The following CREB5 variants were observed in gnomAD, a reference collection of about 807,000 sequenced individuals.
The protein encoded by CREB5 is cAMP responsive element binding protein 5.
CREB5 carries 19 observed loss-of-function variants against 57.1 expected under a neutral mutation model. The observed-to-expected ratio is 0.33, with a 90% confidence interval of 0.23 to 0.49. CREB5 has a LOEUF of 0.49. Among genes scored for constraint, CREB5 ranks in the 20% least tolerant of loss-of-function variants. The pLI is 0.99. For synonymous variants in CREB5, 238 were observed against 238.3 expected (o/e 1.00, Z 0.01); for missense variants, 579 against 671.6 (o/e 0.86, Z 1.52).
intron 4 of CREB5, among the ~76,000 whole-genome samples, chr7:28,560,996 C>G (rs216741): frequency 0.76 from 31,715 of 41,794 alleles, 12,113 homozygotes; most frequent in East Asian, 0.85. Context: ...GTGTGTGTGC[C>G]TGCGTGTGCG....
chr7:28,522,849 A>G (rs1793269389), intron 4 of CREB5, among the ~76,000 whole-genome samples: 1 of 152,156 alleles, frequency 6.6e-6, no homozygotes. Flanking sequence ...TTCGTAATGC[A>G]CTTTTCAATG....
chr7:28,448,074 G>T, intron 1 of CREB5, among the ~76,000 whole-genome samples: 1 of 152,170 alleles, frequency 6.6e-6, no homozygotes, highest in Admixed American at 6.5e-5. Context: ...CCCTTAATCT[G>T]GTGGGCACAA....
intron 5 of CREB5, among the ~76,000 whole-genome samples, chr7:28,693,535 GA>G (rs200005137): frequency 7.3e-5 from 11 of 150,700 alleles, no homozygotes; most frequent in Middle Eastern, 6.9e-3. Flanking sequence ...AAAAAAAAAA[GA>G]AAAAAAATGT....
In CREB5 at chr7:28,824,798, G is replaced by T. The variant is rs1038820012; in HGVS notation, c.*5519G>T. On this transcript the variant is annotated 3_prime_UTR_variant, in exon 11 of 11. Coordinates refer to ENST00000357727, the MANE Select transcript of CREB5 (RefSeq NM_182898.4). ...AAAGCTATTTAACCACAGCTGAAGT[G>T]GGGGGTAAGGCCAAATTGCCAACAC... 6.6e-6 allele frequency: 1 copy of T among 152,510 alleles called. No individual in the cohort carries two copies. The highest frequency in any genetic ancestry group is 6.6e-5 in the Admixed American group (1 of 15,262). The allele number at this position is 152,510 out of a possible 1,614,324, so 9.4% of individuals were successfully genotyped here.
intron 1 of CREB5, among the ~76,000 whole-genome samples, chr7:28,301,360 G>A (rs1019329896): frequency 1.3e-5 from 2 of 152,204 alleles, no homozygotes; most frequent in African/African-American, 4.8e-5. Context: ...CTAAACTGAG[G>A]TAGACGAGTG....
Position 28,560,865 on chromosome 7 carries a change from C to CGT in CREB5, c.292-9500_292-9499insGT, listed in dbSNP as rs1491128731. Among the ~76,000 whole-genome samples, 11 of 14,822 alleles carry CGT rather than the reference C, an allele frequency of 7.4e-4. 3 individuals carry two copies. The highest frequency in any genetic ancestry group is 3.5e-3 in the South Asian group (1 of 282). The allele number at this position is 14,822 out of a possible 152,430, so 9.7% of individuals were successfully genotyped here. The stretch of plus-strand genomic sequence containing the variant: ...GTGTGCGCGTGTGTGTGTGCGTGTG[C>CGT]CTGCGTGCGCGTGCGTGCGTGCGTG... On this transcript the variant is annotated intron_variant, in intron 4 of 10. Transcript: ENST00000357727.
intron 7 of CREB5, among the ~76,000 whole-genome samples, chr7:28,769,672 G>A (rs2128775326): frequency 6.6e-6 from 1 of 152,218 alleles, no homozygotes; most frequent in East Asian, 1.9e-4. Context: ...CATCAGGGAA[G>A]TCTCCTTGGG....
intron 7 of CREB5, among the ~76,000 whole-genome samples, chr7:28,797,959 T>G (rs1366212152): frequency 4.0e-5 from 2 of 49,498 alleles, no homozygotes; most frequent in African/African-American, 2.6e-4. Flanking sequence ...GTTTGGAAAG[T>G]GAAAAAAAAA....
At chr7:28,450,649 C>T (rs758904885) in intron 1 of CREB5, among the ~76,000 whole-genome samples, 3 of 152,190 alleles carry the variant, frequency 2.0e-5, no homozygotes, top group Non-Finnish European at 4.4e-5. Flanking sequence ...AAGTTTTCAC[C>T]CCCTGCTCTC....
chr7:28,789,387 T>C (rs1489724535), intron 7 of CREB5, among the ~76,000 whole-genome samples: 1 of 152,200 alleles, frequency 6.6e-6, no homozygotes, highest in Non-Finnish European at 1.5e-5. Context: ...TCCACCAGAC[T>C]AGTGCTGCAC....
At chr7:28,688,804 T>A (rs971080643) in intron 5 of CREB5, among the ~76,000 whole-genome samples, 1 of 152,206 alleles carries the variant, frequency 6.6e-6, no homozygotes, top group Non-Finnish European at 1.5e-5. Context: ...TTGTGCATAG[T>A]TTGATGAGTG....
At chr7:28,401,462 G>A (rs1225676378) in intron 1 of CREB5, among the ~76,000 whole-genome samples, 1 of 151,466 alleles carries the variant, frequency 6.6e-6, no homozygotes, top group Non-Finnish European at 1.5e-5. Context: ...GGTACGCAAC[G>A]TACAGGTTTG....
intron 1 of CREB5, among the ~76,000 whole-genome samples, chr7:28,325,470 A>G (rs113040311): frequency 1.4e-5 from 2 of 146,260 alleles, no homozygotes; most frequent in Admixed American, 6.8e-5. Context: ...AAAAAAAAAA[A>G]TGTAAATCAA....
rs5883163 is a variant in CREB5 at position 28,686,480 on chromosome 7, G to GAA, written c.465-32260_465-32259dup. 1.0e-3 allele frequency among the ~76,000 whole-genome samples: 118 copies of GAA among 115,448 alleles called. 1 individual carries two copies. The highest frequency in any genetic ancestry group is 9.4e-3 in the South Asian group (37 of 3,930). 75.7% of individuals were successfully genotyped at this position (115,448 alleles called of 152,430 possible). A position where few individuals can be genotyped will look rare whatever the true frequency, so the allele number is the denominator to read the frequency against. ...ACAGAGGCCGGGTTGGAGGAAAAAAGAAAAAAAAAAAAAAGCAGAGCAAAC... is the reference window on the plus strand; with the variant it reads ...ACAGAGGCCGGGTTGGAGGAAAAAAGAAAAAAAAAAAAAAAAGCAGAGCAAAC... On this transcript the variant is annotated intron_variant, in intron 5 of 10. Transcript: ENST00000357727.
chr7:28,507,025 G>A (rs892952179), intron 3 of CREB5, among the ~76,000 whole-genome samples: 1 of 152,140 alleles, frequency 6.6e-6, no homozygotes, highest in Non-Finnish European at 1.5e-5. Context: ...CATTTTTAAA[G>A]GATGAAAGCT....
rs796198741 is a variant in CREB5 at position 28,528,234 on chromosome 7, A to G, written c.291+20497A>G. On this transcript the variant is annotated intron_variant, in intron 4 of 10. Transcript: ENST00000357727. Reference sequence around the variant, plus strand: ...GGCCCATCGCTTCTACCTGTGTGCAAGTGAGCAGATCTTCCTGACATAGGC... The same window carrying G: ...GGCCCATCGCTTCTACCTGTGTGCAGGTGAGCAGATCTTCCTGACATAGGC... Among the ~76,000 whole-genome samples, 10 of 152,344 alleles carry G rather than the reference A, an allele frequency of 6.6e-5. 1 individual carries two copies. The highest frequency in any genetic ancestry group is 2.4e-4 in the African/African-American group (10 of 41,576).
chr7:28,477,029 T>A (rs1369369852), intron 1 of CREB5, among the ~76,000 whole-genome samples: 2 of 152,226 alleles, frequency 1.3e-5, no homozygotes, highest in Non-Finnish European at 2.9e-5. Context: ...TCTCCTAGCA[T>A]GGGGCCTCAT....
chr7:28,621,321 A>G (rs142410153), intron 5 of CREB5, among the ~76,000 whole-genome samples: 2 of 152,300 alleles, frequency 1.3e-5, no homozygotes, highest in African/African-American at 4.8e-5. Flanking sequence ...TTGGGTTATG[A>G]TAGTTATGAA....
intron 6 of CREB5, among the ~76,000 whole-genome samples, chr7:28,719,848 T>C (rs1156773246): frequency 2.0e-5 from 3 of 151,976 alleles, no homozygotes; most frequent in Non-Finnish European, 2.9e-5. Flanking sequence ...GATCATGAGG[T>C]CAAGAGATCG....
Sources: gnomAD v4.1 joint callset for allele counts (sites outside exome capture counted in the v4.1 genomes callset) on GRCh38, gnomAD v4.1.1 for gene constraint, MANE v1.5 for transcripts, NCBI Gene and HGNC (gene_info 2026-07-23, HGNC 2026-07-21) for gene names.